Variants in PAQR5 observed in about 807,000 individuals in gnomAD.
The protein encoded by PAQR5 is membrane progestin receptor gamma.
Under a neutral mutation model 34.5 loss-of-function variants are expected in PAQR5, and 20 were observed. The ratio of observed to expected loss-of-function variants is 0.58; its 90% confidence interval spans 0.41 to 0.84. PAQR5 has a LOEUF of 0.84. Ranked by LOEUF, PAQR5 falls within the 40% of genes least tolerant of loss-of-function variation. The probability of loss-of-function intolerance (pLI) is 0.00; values close to 1 mark genes in which losing one functional copy is unlikely to be tolerated. For missense variants in PAQR5, 378 were observed against 412.7 expected, an observed-to-expected ratio of 0.92 and a Z score of 0.73; for synonymous variants, 131 against 155.6, an observed-to-expected ratio of 0.84 and a Z score of 1.18.
chr15:69,382,775 ACC>A (rs2055937218), intron 4 of PAQR5: 1 of 74,210 alleles, frequency 1.3e-5, no homozygotes, highest in African/African-American at 6.5e-5. Context: ...TATATATGTG[ACC>A]ATATATATAT....
intron 3 of PAQR5, among the ~76,000 whole-genome samples, chr15:69,361,062 A>C (rs2140846067): frequency 6.6e-6 from 1 of 152,308 alleles, no homozygotes; most frequent in South Asian, 2.1e-4. Flanking sequence ...TGGTGGGGTG[A>C]GCTGAGGAAT....
intron 2 of PAQR5, among the ~76,000 whole-genome samples, chr15:69,341,353 C>CTTTT (rs370642387): frequency 0.081 from 9,583 of 117,586 alleles, 693 homozygotes; most frequent in Non-Finnish European, 0.11. Flanking sequence ...AATTCTATTC[C>CTTTT]TTTTTTTTTT....
At chr15:69,356,381 A>G (rs1225254427) in intron 2 of PAQR5, among the ~76,000 whole-genome samples, 2 of 152,190 alleles carry the variant, frequency 1.3e-5, no homozygotes, top group Non-Finnish European at 2.9e-5. Flanking sequence ...CAAAGTATTA[A>G]CTTTTATTTT....
chr15:69,313,734 G>T (rs1210402481), intron 1 of PAQR5, among the ~76,000 whole-genome samples: 1 of 152,166 alleles, frequency 6.6e-6, no homozygotes, highest in Non-Finnish European at 1.5e-5. Flanking sequence ...GCCCTTCAGG[G>T]TGGCCAGTGG....
At chr15:69,338,245 A>ATG (rs1276042897) in intron 2 of PAQR5, among the ~76,000 whole-genome samples, 1 of 152,094 alleles carries the variant, frequency 6.6e-6, no homozygotes, top group Non-Finnish European at 1.5e-5. Context: ...TGGCAAAATT[A>ATG]TGCTCCAAAA....
chr15:69,381,601 C>T (rs2055885531), intron 4 of PAQR5, among the ~76,000 whole-genome samples: 2 of 152,146 alleles, frequency 1.3e-5, no homozygotes, highest in South Asian at 2.1e-4. Context: ...GAGCCGCACC[C>T]CCATCACCTC....
intron 2 of PAQR5, among the ~76,000 whole-genome samples, chr15:69,344,591 T>G (rs2054721824): frequency 6.6e-6 from 1 of 152,246 alleles, no homozygotes; most frequent in South Asian, 2.1e-4. Flanking sequence ...GAAAGCAAAT[T>G]GCAAACAGCA....
At chr15:69,299,538 C>A (rs2053477926) in intron 1 of PAQR5, among the ~76,000 whole-genome samples, 1 of 152,224 alleles carries the variant, frequency 6.6e-6, no homozygotes, top group African/African-American at 2.4e-5. Context: ...GGGTGAGGGG[C>A]GGCCCACTGC....
chr15:69,308,270 T>A (rs1333679126), intron 1 of PAQR5, among the ~76,000 whole-genome samples: 1 of 152,216 alleles, frequency 6.6e-6, no homozygotes, highest in East Asian at 1.9e-4. Context: ...GAGATCAACA[T>A]GACCTAGTGA....
intron 1 of PAQR5, among the ~76,000 whole-genome samples, chr15:69,332,305 C>A (rs2054399599): frequency 6.6e-6 from 1 of 152,152 alleles, no homozygotes. Context: ...GCAGGCTGGT[C>A]AGTTACAAAC....
chr15:69,304,429 T>G (rs943106660), intron 1 of PAQR5, among the ~76,000 whole-genome samples: 4 of 152,180 alleles, frequency 2.6e-5, no homozygotes, highest in African/African-American at 9.7e-5. Flanking sequence ...GTTGGCTCCT[T>G]GGAGAAAAGG....
intron 1 of PAQR5, chr15:69,314,539 AC>A (rs2053900826): frequency 6.6e-6 from 1 of 152,256 alleles, no homozygotes; most frequent in South Asian, 2.1e-4. Flanking sequence ...AGGTATCTGG[AC>A]CATTCCCCCC....
intron 8 of PAQR5, among the ~76,000 whole-genome samples, chr15:69,402,033 CTTTTTA>C (rs760273803): frequency 5.3e-5 from 8 of 152,078 alleles, no homozygotes; most frequent in Non-Finnish European, 1.0e-4. Flanking sequence ...CATGCCCAGC[CTTTTTA>C]TTTTATTTTT....
At chr15:69,354,438 TATATC>T (rs1567016548) in intron 2 of PAQR5, among the ~76,000 whole-genome samples, 1 of 152,236 alleles carries the variant, frequency 6.6e-6, no homozygotes, top group Non-Finnish European at 1.5e-5. Flanking sequence ...TTATTAATGT[TATATC>T]ATACTATTTA....
intron 1 of PAQR5, among the ~76,000 whole-genome samples, chr15:69,335,925 C>T (rs1222357769): frequency 6.6e-6 from 1 of 152,154 alleles, no homozygotes; most frequent in African/African-American, 2.4e-5. Context: ...TAAAGATGCA[C>T]TAATGCAAGC....
chr15:69,387,814 C>T (rs1408102411), intron 5 of PAQR5, among the ~76,000 whole-genome samples: 1 of 152,176 alleles, frequency 6.6e-6, no homozygotes, highest in African/African-American at 2.4e-5. Flanking sequence ...TAGGCCATTC[C>T]CCAGAACTCC....
chr15:69,301,354 G>C (rs537026091), intron 1 of PAQR5, among the ~76,000 whole-genome samples: 1 of 152,118 alleles, frequency 6.6e-6, no homozygotes, highest in African/African-American at 2.4e-5. Context: ...CCCTTGTCCC[G>C]CCAAGGAGAG....
rs1169870810 is a variant in PAQR5 at position 69,300,569 on chromosome 15, TTC to T, written c.-277+1517_-277+1518del. The stretch of plus-strand genomic sequence containing the variant: ...CTTAATCCCGTATGCTTTTCTTTCT[TTC>T]TCTTTCTTTCTTTCTTTCCTTCTTT... On this transcript the variant is annotated intron_variant, in intron 1 of 8. Transcript: ENST00000395407. Among the ~76,000 whole-genome samples, 31 of 73,046 alleles carry T rather than the reference TTC, an allele frequency of 4.2e-4. 1 individual carries two copies. The highest frequency in any genetic ancestry group is 3.7e-4 in the Non-Finnish European group (9 of 24,402). The allele number at this position is 73,046 out of a possible 152,430, so 47.9% of individuals were successfully genotyped here. A position where few individuals can be genotyped will look rare whatever the true frequency, so the allele number is the denominator to read the frequency against.
At chr15:69,341,557 G>C (rs1389532092) in intron 2 of PAQR5, among the ~76,000 whole-genome samples, 1 of 151,878 alleles carries the variant, frequency 6.6e-6, no homozygotes, top group African/African-American at 2.4e-5. Flanking sequence ...ATATCCTGTA[G>C]TATAGATATA....
Sources: allele counts gnomAD v4.1 joint callset (sites outside exome capture counted in the v4.1 genomes callset), GRCh38; gene constraint gnomAD v4.1.1; transcripts MANE v1.5; gene names NCBI Gene and HGNC (gene_info 2026-07-23, HGNC 2026-07-21).